Variants in UTP18 observed in about 807,000 individuals in gnomAD.
UTP18 encodes the protein UTP18 small subunit processome component.
Under a neutral mutation model 61.1 loss-of-function variants are expected in UTP18, and 36 were observed. The observed-to-expected ratio is 0.59, with a 90% CI of 0.45 to 0.78. The LOEUF (loss-of-function observed/expected upper bound fraction) is 0.78. Ranked by LOEUF, UTP18 falls within the 30% of genes least tolerant of loss-of-function variation. The pLI is 0.00. For synonymous variants in UTP18, 282 were observed against 251.1 expected (o/e 1.12, Z -1.16); for missense variants, 753 against 693.9 (o/e 1.09, Z -0.96).
At chr17:51,272,406 A>T (rs561885436) in intron 4 of UTP18, among the ~76,000 whole-genome samples, 1 of 152,244 alleles carries the variant, frequency 6.6e-6, no homozygotes, top group African/African-American at 2.4e-5. Flanking sequence ...GCCTGAACAT[A>T]GTATTTTTAA....
chr17:51,269,316 A>AAC (rs1904428860), intron 4 of UTP18, among the ~76,000 whole-genome samples: 1 of 150,406 alleles, frequency 6.6e-6, no homozygotes, highest in Non-Finnish European at 1.5e-5. Flanking sequence ...AAAAAAAAAA[A>AAC]AAAAAAAAAA....
At chr17:51,292,098 A>G (rs1265712298) in intron 11 of UTP18, among the ~76,000 whole-genome samples, 1 of 152,212 alleles carries the variant, frequency 6.6e-6, no homozygotes, top group Admixed American at 6.5e-5. Flanking sequence ...AATTTATATA[A>G]TATCTGCCTT....
At chr17:51,280,332 T>C in intron 8 of UTP18, 57 bp from the exon 9 acceptor site, 1 of 1,572,706 alleles carries the variant, frequency 6.4e-7, no homozygotes, top group Non-Finnish European at 8.7e-7. Flanking sequence ...TACTCTACAT[T>C]GTGTGATTCT....
intron 11 of UTP18, 75 bp from the exon 12 acceptor site, chr17:51,293,828 T>TA: frequency 1.6e-6 from 2 of 1,256,838 alleles, no homozygotes; most frequent in East Asian, 5.2e-5. Flanking sequence ...AGCAGGAAGA[T>TA]AGAGTGAAGA....
At position 51,277,217 on chromosome 17, in the gene UTP18, G is replaced by A. The variant is rs749159468; in HGVS notation, c.925G>A (p.Glu309Lys). 2 of 1,614,176 alleles carry A rather than the reference G, an allele frequency of 1.2e-6. No individual in the cohort carries two copies. Among genetic ancestry groups the A allele is most frequent in the South Asian group, 2.2e-5 (2 of 91,086 alleles). ...FKACFSANGE[E>K]VLATSTHSKV... ...GGCTTGTTTTAGTGCTAATGGGGAAGAAGTTTTAGCCACGAGTACCCACAG... is the reference window on the plus strand; with the variant it reads ...GGCTTGTTTTAGTGCTAATGGGGAAAAAGTTTTAGCCACGAGTACCCACAG... Residue 309 changes from glutamate to lysine, a missense_variant, in exon 7 of 14, where the codon GAA becomes AAA. By Grantham distance (56) the Glu-to-Lys change is moderately conservative. Coordinates refer to ENST00000225298, the MANE Select transcript of UTP18 (RefSeq NM_016001.3).
intron 5 of UTP18, among the ~76,000 whole-genome samples, chr17:51,274,685 C>T (rs1904655936): frequency 6.6e-6 from 1 of 151,842 alleles, no homozygotes; most frequent in Non-Finnish European, 1.5e-5. Context: ...CTCCTGACCT[C>T]AGGTGATCTG....
chr17:51,274,062 C>T (rs996215541), intron 5 of UTP18, among the ~76,000 whole-genome samples: 2 of 152,150 alleles, frequency 1.3e-5, no homozygotes, highest in Non-Finnish European at 2.9e-5. Context: ...GATCCTTAGC[C>T]TCATATCAGA....
At chr17:51,267,279 G>A (rs1598474693) in intron 3 of UTP18, among the ~76,000 whole-genome samples, 1 of 152,196 alleles carries the variant, frequency 6.6e-6, no homozygotes, top group East Asian at 1.9e-4. Flanking sequence ...TATCTTTTAA[G>A]TGTTCAGACC....
chr17:51,265,266 CT>C (rs1055221855), intron 2 of UTP18, among the ~76,000 whole-genome samples: 234 of 139,926 alleles, frequency 1.7e-3, no homozygotes, highest in East Asian at 4.1e-3. Flanking sequence ...AAGGTTTGCT[CT>C]TTTTTTTTTT....
intron 5 of UTP18, 70 bp downstream of exon 5, chr17:51,273,520 G>A: frequency 9.2e-7 from 1 of 1,085,398 alleles, no homozygotes; most frequent in African/African-American, 1.6e-5. Context: ...CTTCCCAGTA[G>A]CAGATGTATG....
intron 11 of UTP18, chr17:51,288,480 T>G (rs564828996): frequency 9.9e-5 from 48 of 486,842 alleles, no homozygotes; most frequent in Non-Finnish European, 1.6e-4. Flanking sequence ...AGTATTAATG[T>G]TAAGGACTAT....
At chr17:51,276,088 T>C (rs1459553373) in intron 6 of UTP18, 97 bp downstream of exon 6, 2 of 1,242,632 alleles carry the variant, frequency 1.6e-6, no homozygotes, top group South Asian at 1.6e-5. Context: ...GAAAAAGATA[T>C]TCATAGCTAA....
chr17:51,260,751 C>T lies in UTP18; in HGVS notation c.167C>T (p.Ala56Val). 4 of 1,582,576 alleles carry T rather than the reference C, an allele frequency of 2.5e-6. No homozygotes were observed. Among genetic ancestry groups the T allele is most frequent in the Middle Eastern group, 1.8e-4 (1 of 5,412 alleles). The stretch of plus-strand genomic sequence containing the variant: ...CGGAAACCGCCGGCCCGGCCGAGCG[C>T]GGCGGCCGCTGCGATTGCAGTCGCG... Reference protein sequence around the residue: ...SQRKPPARPSAAAAAIAVAAA... With the variant: ...SQRKPPARPSVAAAAIAVAAA... Residue 56 changes from alanine to valine, a missense_variant, in exon 1 of 14, where the codon GCG (alanine) becomes GTG (valine). Physicochemically the swap from Ala to Val is moderately conservative, Grantham distance 64 (BLOSUM62 0). Coordinates refer to ENST00000225298, the MANE Select transcript of UTP18 (RefSeq NM_016001.3).
intron 3 of UTP18, among the ~76,000 whole-genome samples, chr17:51,268,374 A>G (rs1357884956): frequency 1.3e-5 from 2 of 152,220 alleles, no homozygotes; most frequent in African/African-American, 4.8e-5. Context: ...GTTAAAGCTT[A>G]CTTTTTCCAG....
chr17:51,294,729 G>T (rs564556725), intron 12 of UTP18, among the ~76,000 whole-genome samples: 1 of 152,040 alleles, frequency 6.6e-6, no homozygotes. Context: ...GTAATGGGAT[G>T]GCTGGGTCAA....
intron 4 of UTP18, among the ~76,000 whole-genome samples, chr17:51,269,838 ATT>A (rs1491328709): frequency 0.12 from 13,582 of 115,234 alleles, 733 homozygotes; most frequent in Admixed American, 0.24. Context: ...CAAATAATGT[ATT>A]GTGTGTGTGT....
At chr17:51,286,254 GA>G (rs1278899454) in intron 10 of UTP18, among the ~76,000 whole-genome samples, 1 of 152,180 alleles carries the variant, frequency 6.6e-6, no homozygotes, top group Non-Finnish European at 1.5e-5. Flanking sequence ...AGGGTGAGAG[GA>G]TGAGGCATTG....
chr17:51,275,089 T>C (rs987081741), intron 5 of UTP18, among the ~76,000 whole-genome samples: 5 of 150,868 alleles, frequency 3.3e-5, no homozygotes, highest in African/African-American at 1.2e-4. Flanking sequence ...CCCAGCTACT[T>C]GGGAGGCTGA....
chr17:51,261,123 G>A lies in UTP18; in HGVS notation c.342+197G>A, dbSNP rs892675068. Among the ~76,000 whole-genome samples, 5 of 152,372 alleles carry A rather than the reference G, an allele frequency of 3.3e-5. No homozygotes were observed. In the East Asian group the frequency reaches 9.6e-4, roughly 29 times the overall value. On this transcript the variant is annotated intron_variant, in intron 1 of 13. Transcript: ENST00000225298. ...TGCTCCAGACTGAAAGTGCCTGGAG[G>A]GCGGGGACCGCGTCTTTCTCCGCCC...
Sources: gnomAD v4.1 joint callset for allele counts (sites outside exome capture counted in the v4.1 genomes callset) on GRCh38, gnomAD v4.1.1 for gene constraint, MANE v1.5 for transcripts, NCBI Gene and HGNC (gene_info 2026-07-23, HGNC 2026-07-21) for gene names.